Variants in CCDC88A observed in about 807,000 individuals in gnomAD.
The protein encoded by CCDC88A is coiled-coil and HOOK domain protein 88A, also known as girdin.
In CCDC88A, 54 loss-of-function variants were observed where a neutral mutation model predicts 234.3. The ratio of observed to expected loss-of-function variants is 0.23; its 90% CI spans 0.19 to 0.29. The LOEUF is 0.29. CCDC88A is among the 10% of genes least tolerant of loss of function. The probability of loss-of-function intolerance (pLI) is 1.00; values close to 1 mark genes in which losing one functional copy is unlikely to be tolerated. For synonymous variants in CCDC88A, 753 were observed against 737.8 expected (o/e 1.02, Z -0.33); for missense variants, 1,832 against 2,123.4 (o/e 0.86, Z 2.70).
At chr2:55,390,044 A>T (rs957374454) in intron 2 of CCDC88A, among the ~76,000 whole-genome samples, 2 of 141,900 alleles carry the variant, frequency 1.4e-5, no homozygotes, top group African/African-American at 2.6e-5. Flanking sequence ...CAAAAAAAAA[A>T]AAAAATAAAA....
chr2:55,393,289 GTTT>G (rs558827055), intron 2 of CCDC88A, among the ~76,000 whole-genome samples: 3 of 61,674 alleles, frequency 4.9e-5, no homozygotes, highest in East Asian at 1.1e-3. Context: ...GGTTTTTTGG[GTTT>G]TTTTTTTTTT....
intron 16 of CCDC88A, among the ~76,000 whole-genome samples, chr2:55,331,334 T>TG (rs1159676948): frequency 1.3e-5 from 2 of 152,228 alleles, no homozygotes; most frequent in Non-Finnish European, 2.9e-5. Context: ...TTGCTTGACT[T>TG]GAACTGATTG....
chr2:55,333,528 C>A (rs1226660272), intron 15 of CCDC88A, among the ~76,000 whole-genome samples: 3 of 152,090 alleles, frequency 2.0e-5, no homozygotes, highest in African/African-American at 7.2e-5. Context: ...GATTTGAATC[C>A]AGTAATCCAA....
rs753360410 is a variant in CCDC88A at position 55,291,680 on chromosome 2, T to C, written c.*31A>G. The C allele has an allele frequency of 7.0e-7, 1 of 1,429,206 alleles. No homozygotes were observed. The highest frequency in any genetic ancestry group is 9.7e-7 in the Non-Finnish European group (1 of 1,028,818). The allele number at this position is 1,429,206 out of a possible 1,614,324, so 88.5% of individuals were successfully genotyped here. A position where few individuals can be genotyped will look rare whatever the true frequency, so the allele number is the denominator to read the frequency against. On this transcript the variant is annotated 3_prime_UTR_variant, in exon 32 of 33. Coordinates refer to ENST00000436346, the MANE Select transcript of CCDC88A (RefSeq NM_001365480.1). The stretch of plus-strand genomic sequence containing the variant: ...CATTTTAAGCAGGAAACTCACCACT[T>C]GGCCCACATGTCATGTAGTGGGTAA...
At chr2:55,417,715 A>C (rs2105013376) in intron 2 of CCDC88A, 1 of 152,182 alleles carries the variant, frequency 6.6e-6, no homozygotes, top group Middle Eastern at 3.4e-3. Flanking sequence ...GCACACAGAG[A>C]AGTTAACACG....
chr2:55,374,861 A>C lies in CCDC88A; in HGVS notation c.296T>G (p.Met99Arg). ...YYQETLQQLI[M>R]MSLPNVLIIG... ...GATTAAGACATTTGGCAACGACATCATGATCAATTGCTGCAAAGTCTCCTG... is the reference window on the plus strand; with the variant it reads ...GATTAAGACATTTGGCAACGACATCCTGATCAATTGCTGCAAAGTCTCCTG... Residue 99 changes from methionine to arginine, a missense_variant, in exon 4 of 33, where the codon ATG (methionine) becomes AGG (arginine). Met to Arg is a moderately conservative substitution (Grantham distance 91). Coordinates refer to ENST00000436346, the MANE Select transcript of CCDC88A (RefSeq NM_001365480.1). 1 of 1,608,410 alleles carries C rather than the reference A, an allele frequency of 6.2e-7. No homozygotes were observed. Among genetic ancestry groups the C allele is most frequent in the Non-Finnish European group, 8.5e-7 (1 of 1,175,620 alleles).
chr2:55,364,779 A>G (rs185621096), intron 5 of CCDC88A, among the ~76,000 whole-genome samples: 1 of 152,268 alleles, frequency 6.6e-6, no homozygotes, highest in Admixed American at 6.5e-5. Flanking sequence ...AGTCAGCATT[A>G]ACAATTTAAC....
At position 55,328,707 on chromosome 2, in the gene CCDC88A, CA is replaced by C. The variant is rs1341571745; in HGVS notation, c.2856-273del. 1.3e-5 allele frequency: 3 copies of C among 228,250 alleles called. No homozygotes were observed. Among genetic ancestry groups the C allele is most frequent in the Non-Finnish European group, 2.5e-5 (3 of 120,046 alleles). 14.1% of individuals were successfully genotyped at this position (228,250 alleles called of 1,614,324 possible). A position where few individuals can be genotyped will look rare whatever the true frequency, so the allele number is the denominator to read the frequency against. On this transcript the variant is annotated intron_variant, in intron 16 of 32. Coordinates refer to ENST00000436346, the MANE Select transcript of CCDC88A (RefSeq NM_001365480.1). The surrounding 1 kb of genome is among the most constrained non-coding windows in gnomAD (Gnocchi z 4.3). ...TTAATTCTCAAGGAACCCGGAAGAC[CA>C]AAGTCCCAAAATATCCTTTTTATTA...
In CCDC88A at chr2:55,419,086, G is replaced by C; in HGVS notation, c.-7C>G. On this transcript the variant is annotated 5_prime_UTR_variant, in exon 1 of 33. Transcript: ENST00000436346. Reference sequence around the variant, plus strand: ...TAAAAATTTCGTTCTCCATTTTACAGAGTATGTATTTGAAAAAAGGAACTA... The same window carrying C: ...TAAAAATTTCGTTCTCCATTTTACACAGTATGTATTTGAAAAAAGGAACTA... The C allele has an allele frequency of 6.3e-7, 1 of 1,595,358 alleles. No homozygotes were observed. Among genetic ancestry groups the C allele is most frequent in the South Asian group, 1.1e-5 (1 of 90,546 alleles).
chr2:55,361,748 T>G lies in CCDC88A; in HGVS notation c.627+560A>C, dbSNP rs185354979. Among the ~76,000 whole-genome samples, 4 of 152,330 alleles carry G rather than the reference T, an allele frequency of 2.6e-5. No homozygotes were observed. The East Asian group carries it at 7.7e-4, about 29-fold the overall frequency. On this transcript the variant is annotated intron_variant, in intron 7 of 32. Coordinates refer to ENST00000436346, the MANE Select transcript of CCDC88A (RefSeq NM_001365480.1). Reference sequence around the variant, plus strand: ...AAAATTATAAACTGCTTTCAGACAGTGCAGATAGAAAACTTGGTACACTGT... The same window carrying G: ...AAAATTATAAACTGCTTTCAGACAGGGCAGATAGAAAACTTGGTACACTGT...
intron 5 of CCDC88A, among the ~76,000 whole-genome samples, chr2:55,365,286 C>CAATTAAGAAT (rs1671804364): frequency 6.6e-6 from 1 of 151,930 alleles, no homozygotes; most frequent in Non-Finnish European, 1.5e-5. Context: ...CTTGTAAGAA[C>CAATTAAGAAT]AATTAAGAAT....
chr2:55,367,185 G>A (rs534139004), intron 5 of CCDC88A, among the ~76,000 whole-genome samples: 1 of 152,266 alleles, frequency 6.6e-6, no homozygotes, highest in South Asian at 2.1e-4. Context: ...ATTTATATGA[G>A]GTACCTAGAA....
At chr2:55,295,484 G>A in intron 31 of CCDC88A, 113 bp downstream of exon 31, 1 of 1,591,748 alleles carries the variant, frequency 6.3e-7, no homozygotes, top group South Asian at 1.1e-5. Context: ...TTCTAGCCTG[G>A]GCATATAGAG....
At chr2:55,400,532 A>G (rs988822629) in intron 2 of CCDC88A, among the ~76,000 whole-genome samples, 1 of 152,250 alleles carries the variant, frequency 6.6e-6, no homozygotes. Flanking sequence ...ATTAATTTCA[A>G]TTAAAATAAT....
chr2:55,364,262 T>C (rs1671680981), intron 5 of CCDC88A: 1 of 345,300 alleles, frequency 2.9e-6, no homozygotes, highest in Non-Finnish European at 5.3e-6. Context: ...TGGAAAGTTC[T>C]AAAGTGGGAA....
intron 21 of CCDC88A, among the ~76,000 whole-genome samples, chr2:55,316,454 G>A (rs1251295665): frequency 2.0e-5 from 3 of 152,154 alleles, no homozygotes; most frequent in African/African-American, 7.2e-5. Flanking sequence ...GATGGTCCAT[G>A]TCTGTAATCC....
rs1190047930 is a variant in CCDC88A at position 55,325,194 on chromosome 2, T to C, written c.2998-2502A>G. ...TAACAATATTGAGTCTTCTAATTCA[T>C]GAACATGGTTCTTATCTCCATTTAC... is the stretch of plus-strand genomic sequence containing the variant. On this transcript the variant is annotated intron_variant, in intron 17 of 32. Transcript: ENST00000436346. 3.9e-5 allele frequency among the ~76,000 whole-genome samples: 6 copies of C among 152,364 alleles called. No individual in the cohort carries two copies. The East Asian group carries it at 1.2e-3, about 29-fold the overall frequency.
At chr2:55,383,664 A>G (rs950156564) in intron 3 of CCDC88A, among the ~76,000 whole-genome samples, 1 of 151,560 alleles carries the variant, frequency 6.6e-6, no homozygotes, top group African/African-American at 2.4e-5. Flanking sequence ...AATACTAAAT[A>G]CTAAAATACT....
In CCDC88A at chr2:55,332,515, CAA is replaced by C. The variant is rs368125112; in HGVS notation, c.2855+49_2855+50del. 0.01 allele frequency: 13,414 copies of C among 1,319,638 alleles called. No homozygotes were observed. Among genetic ancestry groups the C allele is most frequent in the South Asian group, 0.022 (1,547 of 71,560 alleles). The allele number at this position is 1,319,638 out of a possible 1,614,324, so 81.7% of individuals were successfully genotyped here. Reference sequence around the variant, plus strand: ...AGTACAGAAAGAATTCATGTATGAGCAAAAAAAAAAAAAAATTTTCAACTGTT... The same window carrying C: ...AGTACAGAAAGAATTCATGTATGAGCAAAAAAAAAAAAATTTTCAACTGTT... On this transcript the variant is annotated intron_variant, in intron 16 of 32. Coordinates refer to ENST00000436346, the MANE Select transcript of CCDC88A (RefSeq NM_001365480.1). This position sits in a 1 kb window ranked among gnomAD's most constrained non-coding sequence, Gnocchi z 4.5.
Sources: gnomAD v4.1 joint callset for allele counts (sites outside exome capture counted in the v4.1 genomes callset) on GRCh38, gnomAD v4.1.1 for gene constraint, Gnocchi (gnomAD v3.1) non-coding constraint, MANE v1.5 for transcripts, NCBI Gene and HGNC (gene_info 2026-07-23, HGNC 2026-07-21) for gene names.